The following ARL15 variants were observed in gnomAD, a reference collection of about 807,000 sequenced individuals.
ARL15 encodes the protein ARF like GTPase 15, also known as ADP-ribosylation factor-like protein 15.
A neutral mutation model predicts 25.2 loss-of-function variants in ARL15; 19 were observed. The observed-to-expected ratio is 0.75, with a 90% confidence interval of 0.53 to 1.10. The LOEUF (loss-of-function observed/expected upper bound fraction) is 1.10. Among genes scored for constraint, ARL15 ranks in the 50% least tolerant of loss-of-function variants. The pLI is 0.00. For missense variants in ARL15, 220 were observed against 246.0 expected, an observed-to-expected ratio of 0.89 and a Z score of 0.71; for synonymous variants, 94 against 86.8, an observed-to-expected ratio of 1.08 and a Z score of -0.46.
intron 3 of ARL15, among the ~76,000 whole-genome samples, chr5:54,150,595 C>T (rs1292214015): frequency 6.6e-6 from 1 of 151,962 alleles, no homozygotes; most frequent in African/African-American, 2.4e-5. Flanking sequence ...GTCAGGAGTT[C>T]GAGACCAGCC....
At chr5:53,937,471 G>A (rs773237214) in intron 4 of ARL15, among the ~76,000 whole-genome samples, 4 of 152,148 alleles carry the variant, frequency 2.6e-5, no homozygotes, top group South Asian at 2.1e-4. Context: ...GTACAGTCAC[G>A]TGTAGCATAA....
At chr5:54,084,459 G>A (rs909593199) in intron 4 of ARL15, among the ~76,000 whole-genome samples, 40 of 151,096 alleles carry the variant, frequency 2.6e-4, no homozygotes, top group Non-Finnish European at 8.8e-5. Flanking sequence ...AACTTAAAGT[G>A]ATCTAAATTT....
At position 54,261,544 on chromosome 5, in the gene ARL15, C is replaced by T. The variant is rs551875764; in HGVS notation, c.48+48888G>A. The stretch of plus-strand genomic sequence containing the variant: ...TATGTTGGGTATGTTAATATTGGGA[C>T]TAAATATGCAAAAAAAAAAAGAGAG... On this transcript the variant is annotated intron_variant, in intron 1 of 4. Transcript: ENST00000504924. Among the ~76,000 whole-genome samples, 272 of 148,850 alleles carry T rather than the reference C, an allele frequency of 1.8e-3. 1 individual carries two copies. The highest frequency in any genetic ancestry group is 6.5e-3 in the African/African-American group (260 of 39,930).
chr5:54,037,845 T>C (rs1402286740), intron 4 of ARL15, among the ~76,000 whole-genome samples: 2 of 151,184 alleles, frequency 1.3e-5, no homozygotes, highest in Non-Finnish European at 3.0e-5. Context: ...AAAACAAACC[T>C]ATCATTTATT....
At chr5:54,053,517 G>A (rs1750764588) in intron 4 of ARL15, among the ~76,000 whole-genome samples, 1 of 152,078 alleles carries the variant, frequency 6.6e-6, no homozygotes, top group African/African-American at 2.4e-5. Context: ...AAAAAAGAGT[G>A]GCTCTAGAGT....
At chr5:54,236,860 T>C (rs1008376286) in intron 1 of ARL15, among the ~76,000 whole-genome samples, 2 of 152,206 alleles carry the variant, frequency 1.3e-5, no homozygotes, top group African/African-American at 2.4e-5. Context: ...AACCTTGGTA[T>C]CTTCCTTGTG....
chr5:54,144,624 G>A (rs767587802), intron 3 of ARL15, among the ~76,000 whole-genome samples: 4 of 151,804 alleles, frequency 2.6e-5, no homozygotes, highest in South Asian at 2.1e-4. Context: ...ACTTCATATT[G>A]CGGTGTGTCA....
At chr5:54,236,087 C>CA (rs1462261755) in intron 1 of ARL15, among the ~76,000 whole-genome samples, 1 of 152,112 alleles carries the variant, frequency 6.6e-6, no homozygotes, top group East Asian at 1.9e-4. Flanking sequence ...CACCAGAACA[C>CA]AATGTCTGAT....
At chr5:54,123,072 A>C (rs969604774) in intron 3 of ARL15, among the ~76,000 whole-genome samples, 1 of 151,790 alleles carries the variant, frequency 6.6e-6, no homozygotes, top group East Asian at 1.9e-4. Flanking sequence ...TATATAGTCT[A>C]AAAGAACTCT....
In ARL15 at chr5:54,006,419, A is replaced by T. The variant is rs188157829; in HGVS notation, c.462+106783T>A. Among the ~76,000 whole-genome samples, 7 of 144,000 alleles carry T rather than the reference A, an allele frequency of 4.9e-5. No homozygotes were observed. In the Admixed American group the frequency reaches 5.0e-4, roughly 10 times the overall value. 94.5% of individuals were successfully genotyped at this position (144,000 alleles called of 152,430 possible). The stretch of plus-strand genomic sequence containing the variant: ...ATATGTGTGTAAATACATATGCACA[A>T]CAAAAAAGATTTTTTTTTTTTACAA... On this transcript the variant is annotated intron_variant, in intron 4 of 4. Transcript: ENST00000504924.
chr5:53,976,631 A>G (rs1747934407), intron 4 of ARL15, among the ~76,000 whole-genome samples: 1 of 152,254 alleles, frequency 6.6e-6, no homozygotes, highest in African/African-American at 2.4e-5. Context: ...CGATGGAGGC[A>G]TCATTCACTG....
At chr5:53,900,216 C>T (rs1745020468) in intron 4 of ARL15, among the ~76,000 whole-genome samples, 1 of 152,148 alleles carries the variant, frequency 6.6e-6, no homozygotes, top group African/African-American at 2.4e-5. Flanking sequence ...GTAGTCTCCG[C>T]AGGATACAAA....
At chr5:54,010,438 T>C (rs1449931795) in intron 4 of ARL15, among the ~76,000 whole-genome samples, 3 of 152,298 alleles carry the variant, frequency 2.0e-5, no homozygotes, top group South Asian at 2.1e-4. Context: ...TCTAGAGAGT[T>C]AGTTAACAAG....
chr5:53,995,986 G>A (rs1360694966), intron 4 of ARL15, among the ~76,000 whole-genome samples: 2 of 152,164 alleles, frequency 1.3e-5, no homozygotes, highest in South Asian at 2.1e-4. Context: ...CTTAATAACT[G>A]TATATAACTT....
chr5:54,253,633 C>G (rs1353955047), intron 1 of ARL15, among the ~76,000 whole-genome samples: 1 of 151,994 alleles, frequency 6.6e-6, no homozygotes, highest in African/African-American at 2.4e-5. Flanking sequence ...ACTCTGTCAC[C>G]CAGGCTGGAG....
intron 2 of ARL15, among the ~76,000 whole-genome samples, chr5:54,168,399 CT>C (rs10611567): frequency 0.053 from 7,821 of 148,542 alleles, 314 homozygotes; most frequent in African/African-American, 0.12. Flanking sequence ...ATTCTCCCTA[CT>C]TTTTTTTTTT....
At chr5:54,029,882 A>C (rs1749920015) in intron 4 of ARL15, among the ~76,000 whole-genome samples, 2 of 152,026 alleles carry the variant, frequency 1.3e-5, no homozygotes, top group South Asian at 4.2e-4. Flanking sequence ...CTGTAGTCCC[A>C]GCTACTCAGG....
chr5:53,964,516 T>A (rs754703103), intron 4 of ARL15, among the ~76,000 whole-genome samples: 1 of 152,038 alleles, frequency 6.6e-6, no homozygotes, highest in Non-Finnish European at 1.5e-5. Flanking sequence ...CCCACCACCA[T>A]GCCTGGCTAA....
rs536623563 is a variant in ARL15, at chr5:54,095,151, T to C, written c.462+18051A>G. ...TGAGGTCATATGAGTTGATCTAAAA[T>C]CTCAGTTCATCTTTCCTCCATCATA... On this transcript the variant is annotated intron_variant, in intron 4 of 4. Coordinates refer to ENST00000504924, the MANE Select transcript of ARL15 (RefSeq NM_019087.3). Among the ~76,000 whole-genome samples the C allele has an allele frequency of 5.3e-5, 8 of 152,208 alleles. No homozygotes were observed. In the East Asian group the frequency reaches 1.5e-3, roughly 29 times the overall value.
Sources: allele counts gnomAD v4.1 joint callset (sites outside exome capture counted in the v4.1 genomes callset), GRCh38; gene constraint gnomAD v4.1.1; transcripts MANE v1.5; gene names NCBI Gene and HGNC (gene_info 2026-07-23, HGNC 2026-07-21).